Variants in PCDH20 observed in about 807,000 individuals in gnomAD.
PCDH20 encodes protocadherin-20.
PCDH20 carries 18 observed loss-of-function variants against 39.7 expected under a neutral mutation model. That is an observed-to-expected ratio of 0.45 (90% CI 0.31 to 0.67). PCDH20 has a LOEUF of 0.67. PCDH20 is among the 30% of genes least tolerant of loss of function. The pLI is 0.05. For missense variants in PCDH20, 1,161 were observed against 1,167.4 expected (o/e 0.99, Z 0.08); for synonymous variants, 495 against 455.4 (o/e 1.09, Z -1.11).
intron 1 of PCDH20, 39 bp from the exon 2 acceptor site, chr13:61,414,005 G>A (rs528152870): frequency 1.3e-6 from 2 of 1,514,050 alleles, no homozygotes; most frequent in African/African-American, 1.4e-5. Flanking sequence ...TTACACACAC[G>A]GGGAAATAGG....
At chr13:61,413,726 C>T in exon 2 of PCDH20, 3 of 1,613,936 alleles carry the variant, frequency 1.9e-6, no homozygotes, top group Non-Finnish European at 2.5e-6. Context: ...CCACTCAGTC[C>T]CCGGGAGGCC....
intron 1 of PCDH20, among the ~76,000 whole-genome samples, chr13:61,414,360 G>A (rs1871490074): frequency 6.6e-6 from 1 of 152,078 alleles, no homozygotes; most frequent in Non-Finnish European, 1.5e-5. Context: ...GGAGGGGGCT[G>A]GTAGTAGAGA....
intron 1 of PCDH20, 49 bp from the exon 2 acceptor site, chr13:61,414,015 G>C (rs775831012): frequency 6.1e-5 from 91 of 1,483,404 alleles, no homozygotes; most frequent in Non-Finnish European, 4.6e-5. Context: ...GGGGAAATAG[G>C]GGTCCGAGAG....
exon 2 of PCDH20, chr13:61,413,533 T>A: frequency 6.2e-7 from 1 of 1,613,486 alleles, no homozygotes; most frequent in East Asian, 2.2e-5. Flanking sequence ...AAACCTGAAG[T>A]ATTCCTGAGG....
At chr13:61,411,150 C>T (rs1878235937) in exon 2 of PCDH20, 1 of 1,057,216 alleles carries the variant, frequency 9.5e-7, no homozygotes. Context: ...ATTAGTTGTC[C>T]TTCATTGGAA....
upstream of PCDH20, chr13:61,415,531 C>T: frequency 5.9e-6 from 1 of 169,450 alleles, no homozygotes; most frequent in Non-Finnish European, 1.3e-5. Context: ...AATAAATAAG[C>T]TTGCATTTGT....
exon 1 of PCDH20, chr13:61,415,080 C>A: frequency 1.9e-6 from 3 of 1,575,998 alleles, no homozygotes; most frequent in Admixed American, 3.6e-5. Context: ...CGCCCCATAT[C>A]CAGGCGCGGG....
chr13:61,412,719 T>C (rs1878273543), exon 2 of PCDH20: 1 of 1,614,194 alleles, frequency 6.2e-7, no homozygotes, highest in South Asian at 1.1e-5. Flanking sequence ...TGTATTTACC[T>C]TCTGGATCTC....
At chr13:61,412,221 G>T in exon 2 of PCDH20, 1 of 1,613,998 alleles carries the variant, frequency 6.2e-7, no homozygotes, top group South Asian at 1.1e-5. Flanking sequence ...ACACTGTGAG[G>T]GCCACAGTGG....
chr13:61,413,852 C>A (rs1422291829), exon 2 of PCDH20: 1 of 1,612,978 alleles, frequency 6.2e-7, no homozygotes, highest in Non-Finnish European at 8.5e-7. Context: ...GCCAGGCTGC[C>A]GATGAGCACC....
chr13:61,411,942 C>T (rs748226509), exon 2 of PCDH20: 3 of 1,614,054 alleles, frequency 1.9e-6, no homozygotes, highest in Admixed American at 1.7e-5. Flanking sequence ...AGAGGGCAGG[C>T]TCACCCCCAT....
chr13:61,413,756 G>C, exon 2 of PCDH20: 4 of 1,613,852 alleles, frequency 2.5e-6, no homozygotes, highest in Non-Finnish European at 3.4e-6. Flanking sequence ...GAGAGAGGGG[G>C]GTTCCACTCA....
chr13:61,411,070 C>A, exon 2 of PCDH20: 1 of 552,222 alleles, frequency 1.8e-6, no homozygotes, highest in Non-Finnish European at 3.2e-6. Context: ...ATGCTGTACA[C>A]ATTTTATAAC....
At position 61,412,677 on chromosome 13, in the gene PCDH20, C is replaced by T. The variant is rs113300336; in HGVS notation, c.1422G>A (p.Pro474=). The change falls in exon 2 of 2, where the codon CCG becomes CCA. Residue 474 remains proline, a synonymous_variant. Coordinates refer to ENST00000409204, the Ensembl canonical transcript of PCDH20. ...ATGGTTTGTAAGGTGATAACCTAAACGGCCCTTCACCATCCAGGTAGCAGT... is the reference window on the plus strand; with the variant it reads ...ATGGTTTGTAAGGTGATAACCTAAATGGCCCTTCACCATCCAGGTAGCAGT... 1.1e-4 allele frequency: 178 copies of T among 1,614,090 alleles called. 1 individual carries two copies. The highest frequency in any genetic ancestry group is 1.2e-4 in the Non-Finnish European group (142 of 1,179,986).
At chr13:61,415,127 T>A in exon 1 of PCDH20, 1 of 1,513,236 alleles carries the variant, frequency 6.6e-7, no homozygotes, top group East Asian at 2.6e-5. Context: ...TCCCAGGGCC[T>A]GTGAGCTGCG....
At chr13:61,413,664 C>T (rs1593785159) in exon 2 of PCDH20, 3 of 1,614,160 alleles carry the variant, frequency 1.9e-6, no homozygotes, top group Non-Finnish European at 2.5e-6. Context: ...TGTCGATCTC[C>T]TGAGCTGAAG....
chr13:61,410,250 G>A (rs574260765), exon 2 of PCDH20: 5 of 152,148 alleles, frequency 3.3e-5, no homozygotes, highest in African/African-American at 1.2e-4. Context: ...AAAACAACCA[G>A]TAGTGTACAC....
exon 2 of PCDH20, chr13:61,413,411 T>C: frequency 3.1e-6 from 5 of 1,614,028 alleles, no homozygotes; most frequent in Non-Finnish European, 4.2e-6. Context: ...GGATGCTCTA[T>C]GGCCAGTCGG....
chr13:61,409,995 CAT>C (rs1432682905), exon 2 of PCDH20: 8 of 152,030 alleles, frequency 5.3e-5, no homozygotes, highest in African/African-American at 1.9e-4. Flanking sequence ...CTATAGCTCT[CAT>C]ATAAAATAAT....
Sources: gnomAD v4.1 joint callset for allele counts (sites outside exome capture counted in the v4.1 genomes callset) on GRCh38, gnomAD v4.1.1 for gene constraint, MANE v1.5 for transcripts, NCBI Gene and HGNC (gene_info 2026-07-23, HGNC 2026-07-21) for gene names.